ASIC2: variants seen among roughly 807,000 people sequenced by gnomAD.
ASIC2 encodes acid-sensing ion channel 2.
Under a neutral mutation model 57.3 loss-of-function variants are expected in ASIC2, and 25 were observed. The ratio of observed to expected loss-of-function variants is 0.44; its 90% confidence interval spans 0.32 to 0.61. The LOEUF is 0.61. Among genes scored for constraint, ASIC2 ranks in the 20% least tolerant of loss-of-function variants. ASIC2 has a pLI of 0.06. For synonymous variants in ASIC2, 319 were observed against 307.5 expected (o/e 1.04, Z -0.39); for missense variants, 641 against 738.1 (o/e 0.87, Z 1.52).
chr17:34,139,286 A>G (rs995615435), intron 1 of ASIC2, among the ~76,000 whole-genome samples: 1 of 152,244 alleles, frequency 6.6e-6, no homozygotes, highest in Non-Finnish European at 1.5e-5. Context: ...ATGTTTTTAA[A>G]TCTAACTTCT....
In ASIC2 at chr17:33,696,152, G is replaced by A. The variant is rs546579959; in HGVS notation, c.555+459826C>T. 5.3e-5 allele frequency among the ~76,000 whole-genome samples: 8 copies of A among 152,280 alleles called. No individual in the cohort carries two copies. The South Asian group carries it at 1.2e-3, about 24-fold the overall frequency. On this transcript the variant is annotated intron_variant, in intron 1 of 9. Transcript: ENST00000359872. ...GTCTTCTGCATGTATGCCTAGACAC[G>A]GAATTGCTGGGTTACAAGGAGGCAC...
intron 1 of ASIC2, among the ~76,000 whole-genome samples, chr17:33,640,820 G>T (rs1258294527): frequency 6.6e-6 from 1 of 152,180 alleles, no homozygotes; most frequent in Non-Finnish European, 1.5e-5. Context: ...GCTGCCCCTG[G>T]CTGGCCTGCG....
chr17:33,695,722 A>G (rs113089795), intron 1 of ASIC2, among the ~76,000 whole-genome samples: 7 of 152,194 alleles, frequency 4.6e-5, no homozygotes, highest in African/African-American at 1.2e-4. Flanking sequence ...CCTCACAGAT[A>G]AAGACATATG....
intron 3 of ASIC2, among the ~76,000 whole-genome samples, chr17:33,077,501 A>G (rs1366945935): frequency 1.3e-5 from 2 of 152,238 alleles, no homozygotes; most frequent in African/African-American, 4.8e-5. Flanking sequence ...TTATATTAAT[A>G]GACAATTGAC....
intron 1 of ASIC2, among the ~76,000 whole-genome samples, chr17:33,670,667 T>C (rs1907612305): frequency 6.6e-6 from 1 of 152,196 alleles, no homozygotes; most frequent in Non-Finnish European, 1.5e-5. Context: ...AACCTCATCT[T>C]TCTGAAATGG....
At position 33,195,679 on chromosome 17, in the gene ASIC2, C is replaced by CA. The variant is rs373521313; in HGVS notation, c.709-83613dup. ...ATATTACTTTGGGTCAGAGGACACA[C>CA]ACGATCATCTTCACTGTGCAGACAG... On this transcript the variant is annotated intron_variant, in intron 1 of 9. Transcript: ENST00000225823. Among the ~76,000 whole-genome samples the CA allele has an allele frequency of 3.5e-3, 530 of 152,308 alleles. 5 individuals are homozygous for CA. The highest frequency in any genetic ancestry group is 0.012 in the African/African-American group (498 of 41,562).
chr17:33,515,265 C>T (rs1004392063), intron 1 of ASIC2, among the ~76,000 whole-genome samples: 11 of 152,140 alleles, frequency 7.2e-5, no homozygotes, highest in African/African-American at 2.7e-4. Context: ...CAGGACATAC[C>T]CATACACTCC....
intron 1 of ASIC2, among the ~76,000 whole-genome samples, chr17:33,147,383 A>G (rs994400559): frequency 3.9e-5 from 6 of 152,256 alleles, no homozygotes; most frequent in African/African-American, 1.4e-4. Context: ...TCATTGTTTG[A>G]TAAAAGACAT....
At chr17:33,753,614 C>T (rs2142106640) in intron 1 of ASIC2, among the ~76,000 whole-genome samples, 1 of 152,282 alleles carries the variant, frequency 6.6e-6, no homozygotes, top group Non-Finnish European at 1.5e-5. Flanking sequence ...GAGGAAGATT[C>T]ATACACACAA....
chr17:34,099,431 GAAGAAAAGAAAGAGAAAGA>G (rs1474830690), intron 1 of ASIC2, among the ~76,000 whole-genome samples: 1 of 117,936 alleles, frequency 8.5e-6, no homozygotes, highest in Admixed American at 9.2e-5. Flanking sequence ...ATGAAAGAAA[GAAGAAAAGAAAGAGAAAGA>G]AAGAAAAGAA....
At chr17:33,358,182 T>A (rs114292838) in intron 1 of ASIC2, among the ~76,000 whole-genome samples, 235 of 152,348 alleles carry the variant, frequency 1.5e-3, no homozygotes, top group African/African-American at 5.3e-3. Flanking sequence ...TTTTCTAACG[T>A]GTGAAGAGTG....
At position 33,249,910 on chromosome 17, in the gene ASIC2, G is replaced by A. The variant is rs151047415; in HGVS notation, c.708+41498C>T. 5.7e-3 allele frequency among the ~76,000 whole-genome samples: 864 copies of A among 152,282 alleles called. 4 individuals carry two copies. The highest frequency in any genetic ancestry group is 8.0e-3 in the Non-Finnish European group (541 of 68,016). On this transcript the variant is annotated intron_variant, in intron 1 of 9. Transcript: ENST00000225823. ...TTAGCTAGGGAGTTGGGATCATGGTGGGAGGAGAAGGTGGTCCCTGAAAAG... is the reference window on the plus strand; with the variant it reads ...TTAGCTAGGGAGTTGGGATCATGGTAGGAGGAGAAGGTGGTCCCTGAAAAG...
intron 1 of ASIC2, among the ~76,000 whole-genome samples, chr17:33,318,725 G>A (rs1004848261): frequency 6.6e-6 from 1 of 152,186 alleles, no homozygotes; most frequent in Non-Finnish European, 1.5e-5. Context: ...AGGGTCGTGT[G>A]TGTAAGGCAC....
chr17:33,492,112 A>G (rs7207800), intron 1 of ASIC2, among the ~76,000 whole-genome samples: 7,632 of 152,274 alleles, frequency 0.05, 232 homozygotes, highest in Middle Eastern at 0.088. Context: ...GGGCCTTGCT[A>G]GAAGTTGCAA....
chr17:33,693,511 G>C (rs1908435653), intron 1 of ASIC2, among the ~76,000 whole-genome samples: 1 of 152,166 alleles, frequency 6.6e-6, no homozygotes, highest in East Asian at 1.9e-4. Flanking sequence ...GGACTGGATG[G>C]AGGCAGATGA....
intron 1 of ASIC2, among the ~76,000 whole-genome samples, chr17:34,074,753 C>CA (rs1909560802): frequency 6.7e-6 from 1 of 150,348 alleles, no homozygotes; most frequent in Non-Finnish European, 1.5e-5. Flanking sequence ...CCCAAGTAAT[C>CA]AGAGTGTGGC....
intron 1 of ASIC2, among the ~76,000 whole-genome samples, chr17:33,311,411 T>A: frequency 7.0e-6 from 1 of 143,030 alleles, no homozygotes; most frequent in East Asian, 2.1e-4. Context: ...TGTATGTGTG[T>A]GTGTCTGTCT....
At chr17:33,905,165 T>TTA (rs147028517) in intron 1 of ASIC2, among the ~76,000 whole-genome samples, 1 of 108,458 alleles carries the variant, frequency 9.2e-6, no homozygotes, top group African/African-American at 3.8e-5. Flanking sequence ...TTTTTTTTTT[T>TTA]CCACTTAGCG....
chr17:33,174,807 T>C (rs1036119623), intron 1 of ASIC2, among the ~76,000 whole-genome samples: 18 of 152,142 alleles, frequency 1.2e-4, no homozygotes, highest in South Asian at 2.1e-4. Context: ...TTGATCTACA[T>C]AGGACATGTA....
Sources: gnomAD v4.1 joint callset for allele counts (sites outside exome capture counted in the v4.1 genomes callset) on GRCh38, gnomAD v4.1.1 for gene constraint, MANE v1.5 for transcripts, NCBI Gene and HGNC (gene_info 2026-07-23, HGNC 2026-07-21) for gene names.